The following GNPDA2 variants were observed in gnomAD, a reference collection of about 807,000 sequenced individuals.
The protein encoded by GNPDA2 is glucosamine-6-phosphate deaminase 2.
A neutral mutation model predicts 27.0 loss-of-function variants in GNPDA2; 24 were observed. The ratio of observed to expected loss-of-function variants is 0.89; its 90% CI spans 0.64 to 1.25. The LOEUF (loss-of-function observed/expected upper bound fraction) is 1.25. Among genes scored for constraint, GNPDA2 ranks in the 50% most tolerant of loss-of-function variants. The probability of loss-of-function intolerance (pLI) is 0.00; values close to 1 mark genes in which losing one functional copy is unlikely to be tolerated. For synonymous variants in GNPDA2, 94 were observed against 108.4 expected, an observed-to-expected ratio of 0.87 and a Z score of 0.83; for missense variants, 286 against 335.1, an observed-to-expected ratio of 0.85 and a Z score of 1.14.
chr4:44,715,511 G>A (rs1717230203), intron 4 of GNPDA2, among the ~76,000 whole-genome samples: 1 of 151,946 alleles, frequency 6.6e-6, no homozygotes, highest in African/African-American at 2.4e-5. Context: ...TGAAGTATGT[G>A]GTACTCCAGT....
Position 44,711,273 on chromosome 4 carries a change from G to A in GNPDA2, c.410-136C>T, listed in dbSNP as rs564597043. ...TTCCTATTACTGCATTAAAATATTTGTTTCTGTATTGATTCAACAAATGTT... is the reference window on the plus strand; with the variant it reads ...TTCCTATTACTGCATTAAAATATTTATTTCTGTATTGATTCAACAAATGTT... On this transcript the variant is annotated intron_variant, in intron 4 of 6. Transcript: ENST00000295448. The A allele has an allele frequency of 1.2e-5, 6 of 502,758 alleles. No homozygotes were observed. In the South Asian group the frequency reaches 2.2e-4, roughly 18 times the overall value. The allele number at this position is 502,758 out of a possible 1,614,324, so 31.1% of individuals were successfully genotyped here. A position where few individuals can be genotyped will look rare whatever the true frequency, so the allele number is the denominator to read the frequency against.
chr4:44,703,193 C>G (rs1000490653), intron 6 of GNPDA2, 51 bp from the exon 7 acceptor site: 2 of 1,576,572 alleles, frequency 1.3e-6, no homozygotes, highest in African/African-American at 2.8e-5. Context: ...TTTGAACTAT[C>G]TCATTTACTT....
At chr4:44,720,630 A>C (rs1717604460) in intron 2 of GNPDA2, among the ~76,000 whole-genome samples, 1 of 152,106 alleles carries the variant, frequency 6.6e-6, no homozygotes, top group Admixed American at 6.6e-5. Flanking sequence ...GATAATTACA[A>C]TGCAGCCTGG....
At chr4:44,707,095 A>C (rs1266052953) in intron 6 of GNPDA2, 1 of 152,006 alleles carries the variant, frequency 6.6e-6, no homozygotes, top group East Asian at 1.9e-4. Context: ...TGTCCCTTGA[A>C]AATCTCTTAA....
At chr4:44,721,623 T>C (rs1717673863) in intron 2 of GNPDA2, among the ~76,000 whole-genome samples, 1 of 143,958 alleles carries the variant, frequency 6.9e-6, no homozygotes, top group South Asian at 2.4e-4. Flanking sequence ...AAAAGGCTAA[T>C]AAACATTATA....
chr4:44,715,378 G>C (rs527672316), intron 4 of GNPDA2, among the ~76,000 whole-genome samples: 2 of 152,018 alleles, frequency 1.3e-5, no homozygotes, highest in South Asian at 4.1e-4. Context: ...TTAACAAGGG[G>C]GAAAGAAAGT....
intron 4 of GNPDA2, among the ~76,000 whole-genome samples, chr4:44,711,640 T>A (rs1199452320): frequency 6.6e-6 from 1 of 152,066 alleles, no homozygotes; most frequent in East Asian, 1.9e-4. Context: ...TTTAATTTAC[T>A]TGGTTGTAGT....
At chr4:44,714,417 C>G in intron 4 of GNPDA2, 1 of 985,388 alleles carries the variant, frequency 1.0e-6, no homozygotes, top group Non-Finnish European at 1.2e-6. Context: ...TGTATTTCCT[C>G]CTTTTTCTTT....
intron 3 of GNPDA2, among the ~76,000 whole-genome samples, chr4:44,718,051 C>CT (rs1717422698): frequency 6.6e-6 from 1 of 151,826 alleles, no homozygotes; most frequent in Non-Finnish European, 1.5e-5. Flanking sequence ...TGTTGAGTGG[C>CT]AGAGCCCAGG....
At chr4:44,713,867 G>A (rs113504455) in intron 4 of GNPDA2, among the ~76,000 whole-genome samples, 4,373 of 152,198 alleles carry the variant, frequency 0.029, 199 homozygotes, top group African/African-American at 0.1. Flanking sequence ...GCAACAGAGC[G>A]AGACTCTGTC....
At chr4:44,716,591 T>C (rs1463816486) in intron 4 of GNPDA2, among the ~76,000 whole-genome samples, 1 of 151,910 alleles carries the variant, frequency 6.6e-6, no homozygotes, top group East Asian at 1.9e-4. Context: ...TTATGACAAT[T>C]ATACAGCTTA....
At chr4:44,723,105 G>T (rs1017550867) in intron 1 of GNPDA2, among the ~76,000 whole-genome samples, 4 of 152,066 alleles carry the variant, frequency 2.6e-5, no homozygotes, top group African/African-American at 9.7e-5. Context: ...ATTATTATAC[G>T]TATATTAAGA....
intron 5 of GNPDA2, among the ~76,000 whole-genome samples, chr4:44,709,086 A>T (rs766609822): frequency 6.6e-5 from 10 of 152,120 alleles, no homozygotes; most frequent in Non-Finnish European, 1.5e-4. Context: ...GAGTCTTTTC[A>T]TTATGGATGC....
At position 44,714,757 on chromosome 4, in the gene GNPDA2, G is replaced by C. The variant is rs544739918; in HGVS notation, c.409+2356C>G. ...AGATCAACAAATGAGATTCTTTCAT[G>C]AATACATATCCAATAATAGGGCATC... is the stretch of plus-strand genomic sequence containing the variant. On this transcript the variant is annotated intron_variant, in intron 4 of 6. Transcript: ENST00000295448. 2,705 of 665,170 alleles carry C rather than the reference G, an allele frequency of 4.1e-3. 8 individuals are homozygous for C. Among genetic ancestry groups the C allele is most frequent in the Non-Finnish European group, 4.8e-3 (2,600 of 537,538 alleles). 41.2% of individuals were successfully genotyped at this position (665,170 alleles called of 1,614,324 possible).
intron 4 of GNPDA2, 102 bp from the exon 5 acceptor site, chr4:44,711,239 A>G: frequency 1.6e-6 from 1 of 624,136 alleles, no homozygotes; most frequent in Non-Finnish European, 2.5e-6. Context: ...GTTTTATTTT[A>G]TACTTGAATT....
Position 44,702,520 on chromosome 4 carries a change from A to G in GNPDA2, c.*561T>C. The G allele has an allele frequency of 1.0e-6, 1 of 985,988 alleles. No homozygotes were observed. The allele number at this position is 985,988 out of a possible 1,614,324, so 61.1% of individuals were successfully genotyped here. A position where few individuals can be genotyped will look rare whatever the true frequency, so the allele number is the denominator to read the frequency against. ...CCAAAAGGATGTAAACTGTACTTTT[A>G]GGCACTGTCATCTCTTCAAATTTCC... On this transcript the variant is annotated 3_prime_UTR_variant, in exon 7 of 7. Coordinates refer to ENST00000295448, the MANE Select transcript of GNPDA2 (RefSeq NM_138335.3).
intron 5 of GNPDA2, 126 bp downstream of exon 5, chr4:44,710,827 A>C: frequency 8.7e-6 from 7 of 800,848 alleles, no homozygotes; most frequent in Non-Finnish European, 1.1e-5. Context: ...GTTACTGAAA[A>C]CTAGAAAACA....
In GNPDA2 at chr4:44,707,755, TA is replaced by T. The variant is rs1268824538; in HGVS notation, c.765del (p.Phe255LeufsTer4). ...GCTTTTGAAATTCAGTGCTCACCTT[TA>T]AAGTATTTCACAGTTTTAACTCTTA... Reference protein sequence around the residue: ...LELRVKTVKYFKGLMHVHNKL... With the variant: ...LELRVKTVKYXKGLMHVHNKL... On this transcript the variant is annotated frameshift_variant, in exon 6 of 7. Coordinates refer to ENST00000295448, the MANE Select transcript of GNPDA2 (RefSeq NM_138335.3). LOFTEE classifies it high-confidence loss of function. The T allele has an allele frequency of 1.2e-6, 2 of 1,611,826 alleles. No homozygotes were observed. The highest frequency in any genetic ancestry group is 1.7e-6 in the Non-Finnish European group (2 of 1,178,712).
intron 4 of GNPDA2, chr4:44,714,497 T>C (rs1717162380): frequency 4.1e-6 from 4 of 985,422 alleles, no homozygotes; most frequent in Non-Finnish European, 4.8e-6. Context: ...ATTAACATTT[T>C]TGAGCTCTTC....
Sources: allele counts gnomAD v4.1 joint callset (sites outside exome capture counted in the v4.1 genomes callset), GRCh38; gene constraint gnomAD v4.1.1; transcripts MANE v1.5; gene names NCBI Gene and HGNC (gene_info 2026-07-23, HGNC 2026-07-21).